The following PIK3R6 variants were observed in gnomAD, a reference collection of about 807,000 sequenced individuals.
PIK3R6 encodes phosphoinositide-3-kinase regulatory subunit 6.
In PIK3R6, 91 loss-of-function variants were observed where a neutral mutation model predicts 84.9. The ratio of observed to expected loss-of-function variants is 1.07; its 90% CI spans 0.90 to 1.28. The LOEUF is 1.28. PIK3R6 is among the 50% of genes most tolerant of loss of function. The pLI is 0.00. For synonymous variants in PIK3R6, 416 were observed against 411.4 expected (o/e 1.01, Z -0.13); for missense variants, 996 against 985.1 (o/e 1.01, Z -0.15).
intron 1 of PIK3R6, among the ~76,000 whole-genome samples, chr17:8,856,937 C>T (rs913209376): frequency 1.5e-5 from 1 of 66,682 alleles, no homozygotes; most frequent in Non-Finnish European, 3.1e-5. Flanking sequence ...AATTTAAGAA[C>T]GTTGTGCTGT....
chr17:8,865,700 G>GC, intron 1 of PIK3R6, among the ~76,000 whole-genome samples: 1 of 152,128 alleles, frequency 6.6e-6, no homozygotes, highest in Non-Finnish European at 1.5e-5. Flanking sequence ...TCCTGAGGGG[G>GC]CCCCCTCAAC....
intron 9 of PIK3R6, among the ~76,000 whole-genome samples, chr17:8,831,911 T>C (rs184404798): frequency 2.0e-4 from 31 of 152,326 alleles, no homozygotes; most frequent in Non-Finnish European, 3.7e-4. Flanking sequence ...ACATGGGGCT[T>C]GTGTCAGGGT....
rs556645349 is a variant in PIK3R6 at position 8,822,814 on chromosome 17, C to T, written c.1718-157G>A. On this transcript the variant is annotated intron_variant, in intron 15 of 19. Transcript: ENST00000619866. ...CACCTCCGGGGGCCAGGATGCCTTT[C>T]AGTCTTGTGGGGGTTGGAGGGGATC... is the stretch of plus-strand genomic sequence containing the variant. 2.8e-4 allele frequency among the ~76,000 whole-genome samples: 42 copies of T among 151,696 alleles called. 2 individuals carry two copies. In the South Asian group the frequency reaches 4.4e-3, roughly 16 times the overall value.
chr17:8,803,501 G>A lies in PIK3R6; in HGVS notation c.2109-72C>T. 6.9e-7 allele frequency: 1 copy of A among 1,451,356 alleles called. No individual in the cohort carries two copies. Among genetic ancestry groups the A allele is most frequent in the South Asian group, 1.3e-5 (1 of 74,592 alleles). The allele number at this position is 1,451,356 out of a possible 1,614,324, so 89.9% of individuals were successfully genotyped here. On this transcript the variant is annotated intron_variant, in intron 19 of 19. Transcript: ENST00000619866. The surrounding 1 kb of genome is among the most constrained non-coding windows in gnomAD (Gnocchi z 5.0). ...GATTGCCTAGGGCATTTGAAAGGCA[G>A]AGCTGTTATTGTAGGGCCTAGAGCT...
At chr17:8,819,787 T>C (rs1265776552) in intron 17 of PIK3R6, among the ~76,000 whole-genome samples, 2 of 147,352 alleles carry the variant, frequency 1.4e-5, no homozygotes, top group Non-Finnish European at 3.0e-5. Flanking sequence ...CACACATATA[T>C]ATGTGTATAT....
chr17:8,818,507 G>T (rs371534510), intron 18 of PIK3R6, among the ~76,000 whole-genome samples: 1 of 152,100 alleles, frequency 6.6e-6, no homozygotes, highest in Non-Finnish European at 1.5e-5. Context: ...AAATTAGCTG[G>T]GCGAGGTGGT....
chr17:8,861,635 T>C (rs927609074), intron 1 of PIK3R6, among the ~76,000 whole-genome samples: 4 of 152,246 alleles, frequency 2.6e-5, no homozygotes, highest in African/African-American at 9.6e-5. Context: ...AGCCACTTGC[T>C]AGCCATCATG....
At chr17:8,841,830 G>A (rs1286801279) in intron 2 of PIK3R6, among the ~76,000 whole-genome samples, 1 of 152,128 alleles carries the variant, frequency 6.6e-6, no homozygotes. Flanking sequence ...CCCAGTTGCT[G>A]TGCTGTTGCA....
intron 9 of PIK3R6, among the ~76,000 whole-genome samples, chr17:8,830,529 A>G (rs948940553): frequency 6.6e-6 from 1 of 152,160 alleles, no homozygotes. Flanking sequence ...GAGAGCAGCT[A>G]GTGTTCACTG....
chr17:8,849,918 C>T, intron 1 of PIK3R6, 33 bp from the exon 2 acceptor site: 1 of 1,353,514 alleles, frequency 7.4e-7, no homozygotes, highest in Non-Finnish European at 1.0e-6. Flanking sequence ...TTAGTGGAAG[C>T]AGTGGGAAGG....
At position 8,839,798 on chromosome 17, in the gene PIK3R6, T is replaced by A; in HGVS notation, c.14-101A>T. On this transcript the variant is annotated intron_variant, in intron 2 of 19. Transcript: ENST00000619866. This position sits in a 1 kb window ranked among gnomAD's most constrained non-coding sequence, Gnocchi z 4.2. ...GTGTCTTTAGCCATTTCTCTGAGCC[T>A]CAGGAGGTGCCCGAAGTAATCGACT... 9.6e-7 allele frequency: 1 copy of A among 1,045,604 alleles called. No individual in the cohort carries two copies. Among genetic ancestry groups the A allele is most frequent in the Non-Finnish European group, 1.4e-6 (1 of 726,494 alleles). The allele number at this position is 1,045,604 out of a possible 1,614,324, so 64.8% of individuals were successfully genotyped here.
rs143261897 is a variant in PIK3R6 at position 8,809,140 on chromosome 17, G to C, written c.1996-4987C>G. Among the ~76,000 whole-genome samples, 271 of 152,124 alleles carry C rather than the reference G, an allele frequency of 1.8e-3. 1 individual carries two copies. The highest frequency in any genetic ancestry group is 6.3e-3 in the African/African-American group (260 of 41,504). Reference sequence around the variant, plus strand: ...AACCTTGCAAGCCAGAAGAGACTGGGGTTCTATTTTCAGTCTTCTTAAAGA... The same window carrying C: ...AACCTTGCAAGCCAGAAGAGACTGGCGTTCTATTTTCAGTCTTCTTAAAGA... On this transcript the variant is annotated intron_variant, in intron 18 of 19. Coordinates refer to ENST00000619866, the MANE Select transcript of PIK3R6 (RefSeq NM_001010855.4).
chr17:8,838,809 G>C lies in PIK3R6; in HGVS notation c.98-154C>G, dbSNP rs1031076682. ...CCAGCGCTTGGCTCCAGGTGCACCT[G>C]GGTGGGCTCCTCCCAAGTGGGGAGT... On this transcript the variant is annotated intron_variant, in intron 3 of 19. Transcript: ENST00000619866. Among the ~76,000 whole-genome samples the C allele has an allele frequency of 2.6e-5, 4 of 152,230 alleles. No homozygotes were observed. The South Asian group carries it at 8.3e-4, about 31-fold the overall frequency.
intron 10 of PIK3R6, 135 bp downstream of exon 10, chr17:8,829,571 C>A: frequency 2.1e-6 from 2 of 937,270 alleles, no homozygotes; most frequent in South Asian, 1.5e-5. Context: ...CACACATACA[C>A]ACACAGACAC....
intron 18 of PIK3R6, 61 bp from the exon 19 acceptor site, chr17:8,804,214 A>G (rs1375856266): frequency 2.9e-6 from 4 of 1,371,260 alleles, no homozygotes; most frequent in East Asian, 2.3e-5. Context: ...CCCTGCCAAC[A>G]TGCCCTACCC....
chr17:8,833,541 CTT>C (rs3884448), intron 8 of PIK3R6, among the ~76,000 whole-genome samples: 6 of 130,762 alleles, frequency 4.6e-5, no homozygotes, highest in African/African-American at 5.8e-5. Context: ...GAGAAAGTGA[CTT>C]TTTTTTTTTT....
Position 8,828,846 on chromosome 17 carries a change from TC to T in PIK3R6, c.1033del (p.Asp345ThrfsTer38), listed in dbSNP as rs2151234230. On this transcript the variant is annotated frameshift_variant, in exon 11 of 20. Transcript: ENST00000619866. LOFTEE classifies it high-confidence loss of function. ...CAGCTCATCAGCCCCCGTGGGAAGG[TC>T]CCGCTCAATGCCGCTGTCAGTGGAC... ...VLSTDSGIER[D>X]LPTGADELPA... 3 of 1,596,718 alleles carry T rather than the reference TC, an allele frequency of 1.9e-6. No individual in the cohort carries two copies. The highest frequency in any genetic ancestry group is 2.6e-6 in the Non-Finnish European group (3 of 1,171,018).
intron 10 of PIK3R6, 108 bp from the exon 11 acceptor site, chr17:8,829,098 G>C: frequency 9.9e-7 from 1 of 1,014,036 alleles, no homozygotes; most frequent in Non-Finnish European, 1.4e-6. Context: ...AACACAGACA[G>C]ACACATAAAG....
chr17:8,838,625 A>G lies in PIK3R6; in HGVS notation c.128T>C (p.Val43Ala), dbSNP rs574046802. ...TGGGCTCTTACCGGGATCTCGCTCG[A>G]CCTTCTTGTGCAGGGACCACCTCCA... ...GMWRWSLHKK[V>A]ERDPGKSPVL... is the part of the protein sequence containing the mutation. Residue 43 changes from valine to alanine, a missense_variant, in exon 4 of 20, where the codon GTC (valine) becomes GCC (alanine). By Grantham distance (64) the Val-to-Ala change is moderately conservative. Transcript: ENST00000619866. 8 of 1,606,144 alleles carry G rather than the reference A, an allele frequency of 5.0e-6. No individual in the cohort carries two copies. In the East Asian group the frequency reaches 1.6e-4, roughly 32 times the overall value.
Sources: gnomAD v4.1 joint callset for allele counts (sites outside exome capture counted in the v4.1 genomes callset) on GRCh38, gnomAD v4.1.1 for gene constraint, Gnocchi (gnomAD v3.1) non-coding constraint, MANE v1.5 for transcripts, NCBI Gene and HGNC (gene_info 2026-07-23, HGNC 2026-07-21) for gene names.